NRP1: variants seen among roughly 807,000 people sequenced by gnomAD.
NRP1 encodes neuropilin 1, also known as neuropilin-1.
A neutral mutation model predicts 106.7 loss-of-function variants in NRP1; 35 were observed. That is an observed-to-expected ratio of 0.33 (90% CI 0.25 to 0.43). The LOEUF is 0.43. Among genes scored for constraint, NRP1 ranks in the 20% least tolerant of loss-of-function variants. The pLI is 1.00. For missense variants in NRP1, 1,024 were observed against 1,170.4 expected, an observed-to-expected ratio of 0.87 and a Z score of 1.83; for synonymous variants, 437 against 417.9, an observed-to-expected ratio of 1.05 and a Z score of -0.56.
At chr10:33,213,046 A>G (rs1182422330) in intron 9 of NRP1, 7 of 585,688 alleles carry the variant, frequency 1.2e-5, no homozygotes, top group Non-Finnish European at 2.1e-5. Flanking sequence ...GCAGACCCAA[A>G]CGACTGAGTG....
chr10:33,310,660 A>C (rs996623280), intron 2 of NRP1, among the ~76,000 whole-genome samples: 16 of 151,996 alleles, frequency 1.1e-4, no homozygotes, highest in Non-Finnish European at 2.1e-4. Context: ...AAATTCTATC[A>C]CTGGTGGAGT....
intron 2 of NRP1, among the ~76,000 whole-genome samples, chr10:33,279,754 T>C (rs1015952968): frequency 1.3e-5 from 2 of 152,068 alleles, no homozygotes; most frequent in Non-Finnish European, 2.9e-5. Flanking sequence ...CACGTGGAGA[T>C]TGAAAGCTGT....
intron 2 of NRP1, among the ~76,000 whole-genome samples, chr10:33,281,880 G>GTA (rs1429438180): frequency 2.6e-5 from 4 of 152,288 alleles, no homozygotes; most frequent in Non-Finnish European, 5.9e-5. Context: ...TTTCCACAGT[G>GTA]TATACTATTG....
intron 6 of NRP1, among the ~76,000 whole-genome samples, chr10:33,236,498 G>A (rs532986351): frequency 2.0e-5 from 3 of 152,306 alleles, no homozygotes; most frequent in South Asian, 2.1e-4. Flanking sequence ...GAAAGTATTC[G>A]TCTAGTAGAA....
At chr10:33,253,009 T>G (rs1841968750) in intron 6 of NRP1, among the ~76,000 whole-genome samples, 1 of 152,112 alleles carries the variant, frequency 6.6e-6, no homozygotes, top group African/African-American at 2.4e-5. Context: ...TTTTTTTTTT[T>G]TCTTGCTTAG....
chr10:33,206,730 T>C (rs1260205401), intron 10 of NRP1, among the ~76,000 whole-genome samples: 1 of 152,182 alleles, frequency 6.6e-6, no homozygotes, highest in African/African-American at 2.4e-5. Flanking sequence ...AAAACTGGTG[T>C]AGGTTACTCA....
chr10:33,185,885 G>C (rs1835973715), intron 14 of NRP1, among the ~76,000 whole-genome samples, 161 bp from the exon 15 acceptor site: 1 of 152,180 alleles, frequency 6.6e-6, no homozygotes, highest in African/African-American at 2.4e-5. Flanking sequence ...CCTGGTGATG[G>C]TATGCACCTT....
At chr10:33,283,516 A>G (rs1248582163) in intron 2 of NRP1, among the ~76,000 whole-genome samples, 1 of 152,250 alleles carries the variant, frequency 6.6e-6, no homozygotes, top group East Asian at 1.9e-4. Flanking sequence ...TGGATGTACA[A>G]TAATACTTCA....
At chr10:33,293,363 C>A (rs1399063268) in intron 2 of NRP1, among the ~76,000 whole-genome samples, 1 of 152,150 alleles carries the variant, frequency 6.6e-6, no homozygotes, top group Non-Finnish European at 1.5e-5. Context: ...AATTTTACAA[C>A]CTGTTTGGAC....
At chr10:33,298,130 G>C (rs1160127759) in intron 2 of NRP1, among the ~76,000 whole-genome samples, 1 of 152,116 alleles carries the variant, frequency 6.6e-6, no homozygotes, top group Non-Finnish European at 1.5e-5. Context: ...TTCAGTTGTT[G>C]AAAAGGAACT....
At chr10:33,216,690 T>C (rs11009301) in intron 8 of NRP1, among the ~76,000 whole-genome samples, 42,358 of 149,846 alleles carry the variant, frequency 0.28, 6,328 homozygotes, top group East Asian at 0.62. Flanking sequence ...GATCTTACCA[T>C]TTTGGCCTCC....
At position 33,195,412 on chromosome 10, in the gene NRP1, AG is replaced by A; in HGVS notation, c.1924+2237del. On this transcript the variant is annotated intron_variant, in intron 12 of 16. Transcript: ENST00000374867. Reference sequence around the variant, plus strand: ...GCTTTTATGCATCTGATTACATAAAAGTATATAAATATTATATGCCCATGGA... The same window carrying A: ...GCTTTTATGCATCTGATTACATAAAATATATAAATATTATATGCCCATGGA... 3 of 451,702 alleles carry A rather than the reference AG, an allele frequency of 6.6e-6. No individual in the cohort carries two copies. In the Admixed American group the frequency reaches 7.9e-5, roughly 12 times the overall value. 28.0% of individuals were successfully genotyped at this position (451,702 alleles called of 1,614,324 possible).
chr10:33,195,254 C>T (rs948894446), intron 12 of NRP1, among the ~76,000 whole-genome samples: 3 of 152,114 alleles, frequency 2.0e-5, no homozygotes, highest in Non-Finnish European at 4.4e-5. Flanking sequence ...CAGGCCCATA[C>T]AATCGTAGGT....
At chr10:33,190,569 G>A (rs559914014) in intron 13 of NRP1, among the ~76,000 whole-genome samples, 77 of 152,280 alleles carry the variant, frequency 5.1e-4, no homozygotes, top group Non-Finnish European at 8.5e-4. Flanking sequence ...AATGGGAAAG[G>A]CATGAAGTAC....
rs117454477 is a variant in NRP1, at chr10:33,312,522, G to A, written c.248+18186C>T. 4.6e-3 allele frequency among the ~76,000 whole-genome samples: 697 copies of A among 152,276 alleles called. 12 individuals carry two copies. The East Asian group carries it at 0.071, about 15-fold the overall frequency. ...GCACCTTTGCAAAAATGCTATTGTA[G>A]GAATAAATGAATCTGAACGTGGTAT... On this transcript the variant is annotated intron_variant, in intron 2 of 16. Transcript: ENST00000374867.
chr10:33,261,650 T>C (rs970867753), intron 4 of NRP1, among the ~76,000 whole-genome samples: 2 of 152,204 alleles, frequency 1.3e-5, no homozygotes, highest in Non-Finnish European at 2.9e-5. Context: ...TTTTTTCTAA[T>C]GCTGTTTACT....
At chr10:33,193,026 GCT>G (rs1344758254) in intron 12 of NRP1, among the ~76,000 whole-genome samples, 3 of 151,770 alleles carry the variant, frequency 2.0e-5, no homozygotes, top group African/African-American at 7.3e-5. Flanking sequence ...ATAAATTTCT[GCT>G]TTTTTAATTT....
chr10:33,229,009 T>C (rs1002853620), intron 6 of NRP1, among the ~76,000 whole-genome samples: 1 of 152,222 alleles, frequency 6.6e-6, no homozygotes, highest in Non-Finnish European at 1.5e-5. Context: ...CTCCCTCATG[T>C]ACACATTTCA....
At chr10:33,229,416 G>A (rs1470383910) in intron 6 of NRP1, among the ~76,000 whole-genome samples, 2 of 152,170 alleles carry the variant, frequency 1.3e-5, no homozygotes, top group Non-Finnish European at 2.9e-5. Context: ...CATGCCCAAT[G>A]CCACAGCTAC....
Sources: allele counts gnomAD v4.1 joint callset (sites outside exome capture counted in the v4.1 genomes callset), GRCh38; gene constraint gnomAD v4.1.1; transcripts MANE v1.5; gene names NCBI Gene and HGNC (gene_info 2026-07-23, HGNC 2026-07-21).